Variants in NREP observed in about 807,000 individuals in gnomAD.
NREP encodes neuronal regeneration related protein.
A neutral mutation model predicts 8.6 loss-of-function variants in NREP; 5 were observed. That is an observed-to-expected ratio of 0.58 (90% CI 0.30 to 1.22). The LOEUF (loss-of-function observed/expected upper bound fraction) is 1.22. Ranked by LOEUF, NREP falls within the 50% of genes most tolerant of loss-of-function variation. NREP has a pLI of 0.07. For missense variants in NREP, 86 were observed against 82.5 expected (o/e 1.04, Z -0.17); for synonymous variants, 27 against 28.0 (o/e 0.96, Z 0.11).
At chr5:111,837,761 G>C (rs1216458477) in intron 2 of NREP, among the ~76,000 whole-genome samples, 4 of 151,986 alleles carry the variant, frequency 2.6e-5, no homozygotes, top group Non-Finnish European at 4.4e-5. Context: ...GTGAATTGTT[G>C]ATGAAAAACC....
chr5:111,932,975 G>C (rs557972572), intron 2 of NREP, among the ~76,000 whole-genome samples: 1 of 152,174 alleles, frequency 6.6e-6, no homozygotes, highest in Admixed American at 6.5e-5. Context: ...TTCTGTCCTG[G>C]AGCTGGGCCA....
chr5:111,870,326 G>A (rs1253731772), intron 2 of NREP, among the ~76,000 whole-genome samples: 1 of 152,144 alleles, frequency 6.6e-6, no homozygotes, highest in East Asian at 1.9e-4. Flanking sequence ...CTACCCAGGA[G>A]GCTGAGGAAG....
At chr5:111,836,843 G>A (rs1752908064) in intron 2 of NREP, among the ~76,000 whole-genome samples, 1 of 152,078 alleles carries the variant, frequency 6.6e-6, no homozygotes, top group African/African-American at 2.4e-5. Flanking sequence ...GTTTTAACTT[G>A]TGAAATCTGG....
intron 2 of NREP, among the ~76,000 whole-genome samples, chr5:111,736,908 T>C (rs1581038529): frequency 6.6e-6 from 1 of 152,160 alleles, no homozygotes; most frequent in African/African-American, 2.4e-5. Context: ...AAACTTCAGT[T>C]CCTTCCACTA....
intron 2 of NREP, among the ~76,000 whole-genome samples, chr5:111,965,154 G>A (rs4957995): frequency 0.055 from 8,298 of 151,884 alleles, 320 homozygotes; most frequent in Non-Finnish European, 0.078. Context: ...GACTACACCC[G>A]GAGAGAGAAG....
At chr5:111,901,735 A>G (rs1219238715) in intron 2 of NREP, among the ~76,000 whole-genome samples, 1 of 152,182 alleles carries the variant, frequency 6.6e-6, no homozygotes, top group Non-Finnish European at 1.5e-5. Flanking sequence ...ATGCTCAGGA[A>G]TACACTTAGC....
At chr5:111,821,358 C>A (rs532239332) in intron 2 of NREP, among the ~76,000 whole-genome samples, 2 of 150,214 alleles carry the variant, frequency 1.3e-5, no homozygotes, top group East Asian at 3.9e-4. Flanking sequence ...TTTTATCATT[C>A]CCTTCTTTAA....
chr5:111,741,830 C>CAGACACACAG (rs1554095247), intron 2 of NREP, among the ~76,000 whole-genome samples: 1 of 148,476 alleles, frequency 6.7e-6, no homozygotes, highest in Admixed American at 6.7e-5. Context: ...CACATACACA[C>CAGACACACAG]ACACACACAC....
chr5:111,731,499 TA>T (rs569264684), intron 3 of NREP, among the ~76,000 whole-genome samples: 139 of 151,570 alleles, frequency 9.2e-4, no homozygotes, highest in African/African-American at 3.2e-3. Flanking sequence ...TAATATGTAA[TA>T]AAAATATTTA....
intron 2 of NREP, among the ~76,000 whole-genome samples, chr5:111,973,142 C>T (rs1756867691): frequency 6.6e-6 from 1 of 152,090 alleles, no homozygotes; most frequent in South Asian, 2.1e-4. Context: ...CTTCTTTCCT[C>T]TGTATTTTAC....
intron 2 of NREP, among the ~76,000 whole-genome samples, chr5:111,942,838 A>C (rs577822245): frequency 1.2e-4 from 18 of 152,202 alleles, no homozygotes; most frequent in African/African-American, 4.1e-4. Flanking sequence ...AGTAGTCAAC[A>C]CTAGGCAAGT....
upstream of NREP, chr5:111,757,367 C>G: frequency 1.1e-6 from 1 of 935,876 alleles, no homozygotes; most frequent in Non-Finnish European, 1.3e-6. Flanking sequence ...AGGAGGAGAT[C>G]ATCTCCCTGC....
intron 2 of NREP, among the ~76,000 whole-genome samples, chr5:111,818,327 C>G (rs1034636708): frequency 1.3e-5 from 2 of 152,010 alleles, no homozygotes; most frequent in Non-Finnish European, 2.9e-5. Context: ...AACTTCCTTA[C>G]AAAAAGAAAC....
At chr5:111,874,822 T>A (rs1414030845) in intron 2 of NREP, among the ~76,000 whole-genome samples, 3 of 152,122 alleles carry the variant, frequency 2.0e-5, no homozygotes. Context: ...TACTCCCCAT[T>A]GTAAAGTGAA....
intron 2 of NREP, among the ~76,000 whole-genome samples, chr5:111,788,843 T>G (rs1437687363): frequency 2.0e-5 from 3 of 152,228 alleles, no homozygotes; most frequent in African/African-American, 7.2e-5. Flanking sequence ...TAAAGCAGAT[T>G]GCCTTCCCTA....
At chr5:111,731,348 G>C (rs1165942327) in intron 3 of NREP, among the ~76,000 whole-genome samples, 2 of 151,532 alleles carry the variant, frequency 1.3e-5, no homozygotes, top group East Asian at 3.9e-4. Context: ...CAGGTTTCTT[G>C]GGACAGTTTC....
chr5:111,826,401 C>G (rs1269131373), intron 2 of NREP, among the ~76,000 whole-genome samples: 1 of 152,184 alleles, frequency 6.6e-6, no homozygotes. Context: ...GGCAATAAAT[C>G]TGGCTGCTGC....
intron 2 of NREP, among the ~76,000 whole-genome samples, chr5:111,773,080 A>T (rs1751274357): frequency 6.6e-6 from 1 of 152,192 alleles, no homozygotes; most frequent in Non-Finnish European, 1.5e-5. Context: ...ATCCCAACAG[A>T]CAATAGATTG....
intron 2 of NREP, among the ~76,000 whole-genome samples, chr5:111,867,757 A>G (rs1235599063): frequency 2.6e-5 from 4 of 152,136 alleles, no homozygotes; most frequent in Non-Finnish European, 5.9e-5. Flanking sequence ...CTGATGCTGT[A>G]TGCCCCCTTT....
Sources: allele counts gnomAD v4.1 joint callset (sites outside exome capture counted in the v4.1 genomes callset), GRCh38; gene constraint gnomAD v4.1.1; transcripts MANE v1.5; gene names NCBI Gene and HGNC (gene_info 2026-07-23, HGNC 2026-07-21).